Variants in XAF1 observed in about 807,000 individuals in gnomAD.
The protein encoded by XAF1 is XIAP associated factor 1, also known as XIAP-associated factor 1.
XAF1 carries 32 observed loss-of-function variants against 32.3 expected under a neutral mutation model. The ratio of observed to expected loss-of-function variants is 0.99; its 90% CI spans 0.75 to 1.33. The LOEUF is 1.33. Ranked by LOEUF, XAF1 falls within the 40% of genes most tolerant of loss-of-function variation. The pLI is 0.00. For missense variants in XAF1, 379 were observed against 366.0 expected (o/e 1.04, Z -0.29); for synonymous variants, 120 against 125.9 (o/e 0.95, Z 0.31).
intron 5 of XAF1, among the ~76,000 whole-genome samples, 183 bp from the exon 6 acceptor site, chr17:6,770,460 C>A (rs899401924): frequency 6.6e-6 from 1 of 152,174 alleles, no homozygotes; most frequent in Non-Finnish European, 1.5e-5. Flanking sequence ...GACCTTCATT[C>A]CTGGAATGCA....
rs936509910 is a variant in XAF1 at position 6,773,386 on chromosome 17, C to A, written c.*217C>A. The A allele has an allele frequency of 4.2e-6, 2 of 480,860 alleles. No homozygotes were observed. Among genetic ancestry groups the A allele is most frequent in the South Asian group, 2.8e-5 (1 of 35,428 alleles). The allele number at this position is 480,860 out of a possible 1,614,324, so 29.8% of individuals were successfully genotyped here. ...ATTCAACTTGACTTCATGTTAAAAACCCTCAACAAACCAGGCGTCGAAGGA... is the reference window on the plus strand; with the variant it reads ...ATTCAACTTGACTTCATGTTAAAAAACCTCAACAAACCAGGCGTCGAAGGA... On this transcript the variant is annotated 3_prime_UTR_variant, in exon 7 of 7. Coordinates refer to ENST00000361842, the MANE Select transcript of XAF1 (RefSeq NM_017523.5).
In XAF1 at chr17:6,767,244, C is replaced by T. The variant is rs144025940; in HGVS notation, c.508-3399C>T. The stretch of plus-strand genomic sequence containing the variant: ...TACAAAAACTTTCAAATAAATATGA[C>T]AGTAGAAAGTTAATACAATAAACAT... On this transcript the variant is annotated intron_variant, in intron 5 of 6. Coordinates refer to ENST00000361842, the MANE Select transcript of XAF1 (RefSeq NM_017523.5). 5.4e-3 allele frequency among the ~76,000 whole-genome samples: 825 copies of T among 152,188 alleles called. 12 individuals are homozygous for T. The highest frequency in any genetic ancestry group is 4.4e-3 in the Non-Finnish European group (297 of 68,002).
chr17:6,762,024 A>C lies in XAF1; in HGVS notation c.422-131A>C, dbSNP rs767851622. On this transcript the variant is annotated intron_variant, in intron 4 of 6. Transcript: ENST00000361842. ...TGGTCAAGGATGCCGGCAGCGCAGG[A>C]AAGTCAAGACCAGGCAGGTCCGGGG... 8 of 1,550,592 alleles carry C rather than the reference A, an allele frequency of 5.2e-6. No homozygotes were observed. The Admixed American group carries it at 1.5e-4, about 30-fold the overall frequency.
At chr17:6,762,268 G>T in intron 5 of XAF1, 28 bp downstream of exon 5, 2 of 1,554,746 alleles carry the variant, frequency 1.3e-6, no homozygotes, top group Non-Finnish European at 1.7e-6. Context: ...ATTTTCTAAT[G>T]GTGCCAATAG....
intron 4 of XAF1, 58 bp downstream of exon 4, chr17:6,760,659 A>T: frequency 6.6e-7 from 1 of 1,522,154 alleles, no homozygotes; most frequent in East Asian, 2.3e-5. Flanking sequence ...CCTTTCCTGG[A>T]TGGGATGCAA....
At position 6,762,250 on chromosome 17, in the gene XAF1, A is replaced by G; in HGVS notation, c.507+10A>G. 1 of 1,593,448 alleles carries G rather than the reference A, an allele frequency of 6.3e-7. No individual in the cohort carries two copies. The highest frequency in any genetic ancestry group is 8.5e-7 in the Non-Finnish European group (1 of 1,169,932). ...GTATTTCCACCATATGGTGAGTAGCACTTAGTAATTTTCTAATGGTGCCAA... is the reference window on the plus strand; with the variant it reads ...GTATTTCCACCATATGGTGAGTAGCGCTTAGTAATTTTCTAATGGTGCCAA... On this transcript the variant is annotated intron_variant, in intron 5 of 6. Transcript: ENST00000361842.
At chr17:6,756,661 C>T (rs1476118394) in intron 1 of XAF1, among the ~76,000 whole-genome samples, 2 of 152,168 alleles carry the variant, frequency 1.3e-5, no homozygotes, top group African/African-American at 4.8e-5. Context: ...AGTGGACCCT[C>T]CCCAGAGAGC....
chr17:6,763,563 C>T (rs920111898), intron 5 of XAF1, among the ~76,000 whole-genome samples: 12 of 152,102 alleles, frequency 7.9e-5, no homozygotes, highest in Non-Finnish European at 1.6e-4. Flanking sequence ...AACTCCTGAC[C>T]GCAGGTTATC....
intron 5 of XAF1, among the ~76,000 whole-genome samples, chr17:6,763,955 C>T (rs780044809): frequency 6.6e-6 from 1 of 152,214 alleles, no homozygotes; most frequent in Non-Finnish European, 1.5e-5. Flanking sequence ...TGAGAAAATA[C>T]TTGGTGAGCA....
At chr17:6,760,290 G>T in intron 3 of XAF1, 116 bp from the exon 4 acceptor site, 2 of 1,044,578 alleles carry the variant, frequency 1.9e-6, no homozygotes, top group Non-Finnish European at 1.4e-6. Context: ...GGAGGTTGCA[G>T]TGAGCCAAGA....
intron 6 of XAF1, chr17:6,772,819 C>A: frequency 3.4e-6 from 1 of 291,204 alleles, no homozygotes; most frequent in Non-Finnish European, 6.3e-6. Flanking sequence ...AAGGAAATCC[C>A]TACAAACAAA....
At position 6,773,367 on chromosome 17, in the gene XAF1, C is replaced by T. The variant is rs556321207; in HGVS notation, c.*198C>T. ...AGAAAAGGCTTTTGATAAAATTCAA[C>T]TTGACTTCATGTTAAAAACCCTCAA... On this transcript the variant is annotated 3_prime_UTR_variant, in exon 7 of 7. Transcript: ENST00000361842. The T allele has an allele frequency of 7.8e-5, 39 of 497,058 alleles. No homozygotes were observed. In the South Asian group the frequency reaches 1.1e-3, roughly 15 times the overall value. The allele number at this position is 497,058 out of a possible 1,614,324, so 30.8% of individuals were successfully genotyped here. A position where few individuals can be genotyped will look rare whatever the true frequency, so the allele number is the denominator to read the frequency against.
chr17:6,771,278 T>G (rs1044541388), intron 6 of XAF1: 1 of 312,264 alleles, frequency 3.2e-6, no homozygotes, highest in Non-Finnish European at 6.0e-6. Context: ...TTGGAGCAAC[T>G]GCTTCAAAAC....
intron 5 of XAF1, among the ~76,000 whole-genome samples, chr17:6,768,595 C>T (rs1199099014): frequency 6.6e-6 from 1 of 152,016 alleles, no homozygotes; most frequent in Non-Finnish European, 1.5e-5. Context: ...TTTTTTGCAT[C>T]CATGAATGAT....
At chr17:6,761,600 C>A in intron 4 of XAF1, 2 of 291,818 alleles carry the variant, frequency 6.9e-6, no homozygotes, top group South Asian at 6.9e-5. Flanking sequence ...GATAAACAAT[C>A]CACCCAAGGG....
At chr17:6,756,215 A>C in intron 1 of XAF1, 105 bp downstream of exon 1, 1 of 1,593,344 alleles carries the variant, frequency 6.3e-7, no homozygotes, top group Non-Finnish European at 8.6e-7. Flanking sequence ...CTGCATAAGA[A>C]CACTTAGGAG....
Position 6,756,235 on chromosome 17 carries a change from C to T in XAF1, c.32+125C>T, listed in dbSNP as rs1283453437. On this transcript the variant is annotated intron_variant, in intron 1 of 6. Transcript: ENST00000361842. Reference sequence around the variant, plus strand: ...TAAGAACACTTAGGAGGACAAGCAGCTGGAGACCGTGGGCCCCAAGGGTAG... The same window carrying T: ...TAAGAACACTTAGGAGGACAAGCAGTTGGAGACCGTGGGCCCCAAGGGTAG... 6 of 1,504,898 alleles carry T rather than the reference C, an allele frequency of 4.0e-6. No individual in the cohort carries two copies. The Admixed American group carries it at 9.9e-5, about 25-fold the overall frequency. 93.2% of individuals were successfully genotyped at this position (1,504,898 alleles called of 1,614,324 possible). A position where few individuals can be genotyped will look rare whatever the true frequency, so the allele number is the denominator to read the frequency against.
At chr17:6,760,827 G>A (rs1975142303) in intron 4 of XAF1, among the ~76,000 whole-genome samples, 1 of 152,176 alleles carries the variant, frequency 6.6e-6, no homozygotes, top group Admixed American at 6.5e-5. Flanking sequence ...GGAGGCCGGG[G>A]CTAGAGCCTA....
intron 6 of XAF1, 182 bp from the exon 7 acceptor site, chr17:6,772,931 C>A: frequency 1.9e-6 from 1 of 529,178 alleles, no homozygotes; most frequent in Non-Finnish European, 3.3e-6. Context: ...CCCTGTTAAA[C>A]TTTGTCGCAA....
Sources: allele counts gnomAD v4.1 joint callset (sites outside exome capture counted in the v4.1 genomes callset), GRCh38; gene constraint gnomAD v4.1.1; transcripts MANE v1.5; gene names NCBI Gene and HGNC (gene_info 2026-07-23, HGNC 2026-07-21).